The following KLHL5 variants were observed in gnomAD, a reference collection of about 807,000 sequenced individuals.
The protein encoded by KLHL5 is kelch like family member 5, also known as kelch-like protein 5.
In KLHL5, 48 loss-of-function variants were observed where a neutral mutation model predicts 77.7. The observed-to-expected ratio is 0.62, with a 90% CI of 0.49 to 0.79. The LOEUF (loss-of-function observed/expected upper bound fraction) is 0.79. Ranked by LOEUF, KLHL5 falls within the 30% of genes least tolerant of loss-of-function variation. KLHL5 has a pLI of 0.00. For synonymous variants in KLHL5, 260 were observed against 297.0 expected (o/e 0.88, Z 1.28); for missense variants, 723 against 859.7 (o/e 0.84, Z 1.99).
At position 39,063,054 on chromosome 4, in the gene KLHL5, G is replaced by A. The variant is rs1717578888; in HGVS notation, c.383+19G>A. ...CATGCAGGTTGATTATTTTCTTACTGTTAGAAAAGGGGTGTGGGGGTATGG... is the reference window on the plus strand; with the variant it reads ...CATGCAGGTTGATTATTTTCTTACTATTAGAAAAGGGGTGTGGGGGTATGG... On this transcript the variant is annotated intron_variant, in intron 1 of 10. Transcript: ENST00000504108. 8.8e-6 allele frequency: 14 copies of A among 1,588,992 alleles called. No individual in the cohort carries two copies. Among genetic ancestry groups the A allele is most frequent in the Non-Finnish European group, 1.2e-5 (14 of 1,163,884 alleles).
At chr4:39,069,358 G>C (rs1029072718) in intron 1 of KLHL5, among the ~76,000 whole-genome samples, 1 of 151,122 alleles carries the variant, frequency 6.6e-6, no homozygotes, top group Non-Finnish European at 1.5e-5. Flanking sequence ...TGCAGGAAGT[G>C]AAGATGGCTG....
Position 39,123,167 on chromosome 4 carries a change from A to T in KLHL5, c.*2101A>T, listed in dbSNP as rs1162196538. 6.6e-6 allele frequency among the ~76,000 whole-genome samples: 1 copy of T among 152,218 alleles called. No homozygotes were observed. The highest frequency in any genetic ancestry group is 1.5e-5 in the Non-Finnish European group (1 of 68,030). On this transcript the variant is annotated 3_prime_UTR_variant, in exon 11 of 11. Transcript: ENST00000504108. ...ACACCAATTGACAAAACTGGCTCAA[A>T]AGGAAATAAAAAATCCAAACAGACC...
chr4:39,136,703 A>G, the KLHL5 span, among the ~76,000 whole-genome samples: 3 of 152,140 alleles, frequency 2.0e-5, no homozygotes, highest in Non-Finnish European at 4.4e-5. Flanking sequence ...GATGAGGGAG[A>G]TATCCACACC....
chr4:39,073,806 A>G (rs113587412), intron 1 of KLHL5, among the ~76,000 whole-genome samples: 4,322 of 147,294 alleles, frequency 0.029, 176 homozygotes, highest in African/African-American at 0.099. Flanking sequence ...CACCACGCCC[A>G]GCTAATTTTT....
chr4:39,102,508 A>C (rs1005455329), intron 6 of KLHL5, among the ~76,000 whole-genome samples: 3 of 67,248 alleles, frequency 4.5e-5, no homozygotes, highest in Non-Finnish European at 9.3e-5. Flanking sequence ...ATTGCAGTAG[A>C]ATATGTTCCC....
chr4:39,071,082 T>C (rs1160052065), intron 1 of KLHL5, among the ~76,000 whole-genome samples: 3 of 152,146 alleles, frequency 2.0e-5, no homozygotes, highest in East Asian at 3.8e-4. Context: ...GTATATTATA[T>C]AGAAATTGTA....
chr4:39,110,308 C>T (rs1050818891), intron 8 of KLHL5, among the ~76,000 whole-genome samples: 1 of 152,026 alleles, frequency 6.6e-6, no homozygotes, highest in Non-Finnish European at 1.5e-5. Context: ...AATCTTGATC[C>T]ACAGATAAGA....
At chr4:39,133,604 T>A in the KLHL5 span, among the ~76,000 whole-genome samples, 5,594 of 150,896 alleles carry the variant, frequency 0.037, 121 homozygotes, top group Non-Finnish European at 0.054. Flanking sequence ...TAAAAAAAAA[T>A]TTTTTATCTG....
intron 1 of KLHL5, chr4:39,063,687 C>G (rs1325144685): frequency 2.8e-6 from 1 of 352,270 alleles, no homozygotes; most frequent in African/African-American, 2.1e-5. Context: ...GAAGGACATT[C>G]CTCCAGGAGA....
intron 1 of KLHL5, chr4:39,063,471 G>A (rs2711940): frequency 0.74 from 235,965 of 320,352 alleles, 87,499 homozygotes; most frequent in East Asian, 0.83. Flanking sequence ...GAAAGGTTTT[G>A]CAAAGAGATG....
chr4:39,139,282 CAAAAAAAAAA>C, the KLHL5 span, among the ~76,000 whole-genome samples: 1 of 57,428 alleles, frequency 1.7e-5, no homozygotes, highest in Non-Finnish European at 3.7e-5. Context: ...AACTCCATCT[CAAAAAAAAAA>C]AAAAAAAGAA....
downstream of KLHL5, among the ~76,000 whole-genome samples, chr4:39,131,017 A>ATTTT (rs11464461): frequency 7.5e-6 from 1 of 133,930 alleles, no homozygotes; most frequent in Non-Finnish European, 1.6e-5. Flanking sequence ...AAATTTTTGT[A>ATTTT]TTTTTTTTTT....
intron 1 of KLHL5, among the ~76,000 whole-genome samples, chr4:39,070,116 T>C (rs1008940853): frequency 6.6e-6 from 1 of 152,130 alleles, no homozygotes; most frequent in Non-Finnish European, 1.5e-5. Context: ...TGAAATTGAC[T>C]CTGATTGGTC....
chr4:39,114,703 G>C (rs758622159), intron 9 of KLHL5, among the ~76,000 whole-genome samples: 1 of 152,176 alleles, frequency 6.6e-6, no homozygotes, highest in Non-Finnish European at 1.5e-5. Context: ...GCTGTTCATT[G>C]ATACAACAGA....
downstream of KLHL5, among the ~76,000 whole-genome samples, chr4:39,129,248 C>A (rs1723706983): frequency 6.7e-6 from 1 of 149,206 alleles, no homozygotes; most frequent in Non-Finnish European, 1.5e-5. The surrounding 1 kb of genome is among the most constrained non-coding windows in gnomAD (Gnocchi z 4.2). Context: ...AGTGGCATTG[C>A]CCAGGCTGGA....
At chr4:39,132,459 A>G in the KLHL5 span, among the ~76,000 whole-genome samples, 1 of 152,100 alleles carries the variant, frequency 6.6e-6, no homozygotes, top group Admixed American at 6.5e-5. Flanking sequence ...AAATAAAAAA[A>G]GTGGCCAGGT....
chr4:39,141,777 A>T, the KLHL5 span, among the ~76,000 whole-genome samples: 7 of 151,974 alleles, frequency 4.6e-5, no homozygotes, highest in African/African-American at 1.5e-4. Flanking sequence ...GTATCTATTT[A>T]AAAAAAGAAA....
rs372831946 is a variant in KLHL5, at chr4:39,091,842, G to GTTTTTT, written c.1114-4831_1114-4826dup. On this transcript the variant is annotated intron_variant, in intron 5 of 10. Transcript: ENST00000504108. Reference sequence around the variant, plus strand: ...CTGTGCCCCATCACACATCTGACTAGTTTTTTTTTTTTTTTTTTTTTTTTG... The same window carrying GTTTTTT: ...CTGTGCCCCATCACACATCTGACTAGTTTTTTTTTTTTTTTTTTTTTTTTTTTTTTG... Among the ~76,000 whole-genome samples the GTTTTTT allele has an allele frequency of 1.5e-3, 80 of 52,462 alleles. 1 individual carries two copies. The highest frequency in any genetic ancestry group is 3.1e-3 in the East Asian group (5 of 1,622). The allele number at this position is 52,462 out of a possible 152,430, so 34.4% of individuals were successfully genotyped here.
rs572538692 is a variant in KLHL5, at chr4:39,125,713, T to G, written c.*4647T>G. Among the ~76,000 whole-genome samples, 39 of 152,256 alleles carry G rather than the reference T, an allele frequency of 2.6e-4. No homozygotes were observed. Among genetic ancestry groups the G allele is most frequent in the African/African-American group, 8.9e-4 (37 of 41,558 alleles). ...CTGAGAGAAAGGAGTGGGGAGAGAT[T>G]GCTAAAAAGGAGTTTCCTTCTAGGG... On this transcript the variant is annotated 3_prime_UTR_variant, in exon 11 of 11. Transcript: ENST00000504108.
Sources: allele counts gnomAD v4.1 joint callset (sites outside exome capture counted in the v4.1 genomes callset), GRCh38; gene constraint gnomAD v4.1.1; non-coding constraint Gnocchi (gnomAD v3.1); transcripts MANE v1.5; gene names NCBI Gene and HGNC (gene_info 2026-07-23, HGNC 2026-07-21).